Variants in TAX1BP1 observed in about 807,000 individuals in gnomAD.
The protein encoded by TAX1BP1 is Tax1 binding protein 1, also known as tax1-binding protein 1.
In TAX1BP1, 62 loss-of-function variants were observed where a neutral mutation model predicts 97.7. That is an observed-to-expected ratio of 0.63 (90% CI 0.52 to 0.78). The LOEUF (loss-of-function observed/expected upper bound fraction) is 0.78. Among genes scored for constraint, TAX1BP1 ranks in the 30% least tolerant of loss-of-function variants. TAX1BP1 has a pLI of 0.00. For missense variants in TAX1BP1, 867 were observed against 916.1 expected, an observed-to-expected ratio of 0.95 and a Z score of 0.69; for synonymous variants, 340 against 304.2, an observed-to-expected ratio of 1.12 and a Z score of -1.23.
At chr7:27,785,514 T>C (rs561524779) in intron 7 of TAX1BP1, 25 bp downstream of exon 7, 1 of 1,567,386 alleles carries the variant, frequency 6.4e-7, no homozygotes, top group South Asian at 1.2e-5. Context: ...ACCATATCTA[T>C]TGCCTGTTGC....
intron 3 of TAX1BP1, among the ~76,000 whole-genome samples, chr7:27,762,558 A>C (rs1471974002): frequency 6.6e-6 from 1 of 152,166 alleles, no homozygotes; most frequent in Non-Finnish European, 1.5e-5. Context: ...AATTTGTTAT[A>C]GTGACTATTG....
At chr7:27,821,960 T>G (rs1790994390) in intron 15 of TAX1BP1, among the ~76,000 whole-genome samples, 1 of 152,206 alleles carries the variant, frequency 6.6e-6, no homozygotes, top group Admixed American at 6.5e-5. Flanking sequence ...TCACTTAGCA[T>G]GTTTTCAAAG....
At chr7:27,789,077 A>G (rs1789600643) in intron 8 of TAX1BP1, among the ~76,000 whole-genome samples, 2 of 152,062 alleles carry the variant, frequency 1.3e-5, no homozygotes, top group Admixed American at 1.3e-4. Context: ...CGTACACACC[A>G]GTGTTTTCAC....
At chr7:27,742,244 C>G (rs1429197151) in intron 1 of TAX1BP1, among the ~76,000 whole-genome samples, 6 of 152,134 alleles carry the variant, frequency 3.9e-5, no homozygotes, top group East Asian at 1.9e-4. Context: ...TCCCTTCCCA[C>G]GAGGCCATAT....
Position 27,796,150 on chromosome 7 carries a change from A to C in TAX1BP1, c.1569A>C (p.Gln523His). ...ATTTTGACATAGTAACAAAGGGGCAAGTCTGTGAAATGACCAAAGAAATTG... is the reference window on the plus strand; with the variant it reads ...ATTTTGACATAGTAACAAAGGGGCACGTCTGTGAAATGACCAAAGAAATTG... Reference protein sequence around the residue: ...EADFDIVTKGQVCEMTKEIAD... With the variant: ...EADFDIVTKGHVCEMTKEIAD... The change falls in exon 12 of 17, where the codon CAA becomes CAC. Residue 523 changes from glutamine (Q) to histidine (H), a missense_variant. This residue lies in a region of TAX1BP1 where 822 missense variants were observed against 851.4 expected (regional missense o/e 0.97). Transcript: ENST00000396319. The C allele has an allele frequency of 1.9e-6, 3 of 1,605,596 alleles. No individual in the cohort carries two copies. In the South Asian group the frequency reaches 3.4e-5, roughly 18 times the overall value.
chr7:27,741,196 T>TAG (rs1787583668), intron 1 of TAX1BP1, among the ~76,000 whole-genome samples: 1 of 152,254 alleles, frequency 6.6e-6, no homozygotes, highest in Non-Finnish European at 1.5e-5. Context: ...TGCATTCTGC[T>TAG]AATGTTAAAA....
chr7:27,757,892 C>A (rs1285289881), intron 2 of TAX1BP1, 139 bp from the exon 3 acceptor site: 5 of 493,726 alleles, frequency 1.0e-5, no homozygotes, highest in Non-Finnish European at 1.8e-5. Flanking sequence ...ATTTGACATG[C>A]TTGTTAAAAT....
chr7:27,772,346 C>T (rs1788878132), intron 5 of TAX1BP1: 1 of 151,870 alleles, frequency 6.6e-6, no homozygotes, highest in Non-Finnish European at 1.5e-5. Flanking sequence ...TAGAGGTCTT[C>T]TATTTGAGGT....
intron 5 of TAX1BP1, among the ~76,000 whole-genome samples, chr7:27,770,540 A>G (rs1788806812): frequency 6.6e-6 from 1 of 152,108 alleles, no homozygotes; most frequent in Admixed American, 6.6e-5. Flanking sequence ...CCGGTTGGGC[A>G]TATTTATGCC....
chr7:27,816,387 A>G lies in TAX1BP1; in HGVS notation c.1803A>G (p.Lys601=). ...GTCTAGAAAATCCAGCAGAAAGGAA[A>G]ATGGAAGGTCAGAATTCCCAGAGTC... ...KRSLENPAER[K]MEGQNSQSPQ... The change falls in exon 14 of 17, where the codon AAA becomes AAG. Residue 601 remains lysine (K), a synonymous_variant. Coordinates refer to ENST00000396319, the MANE Select transcript of TAX1BP1 (RefSeq NM_006024.7). 2 of 1,585,076 alleles carry G rather than the reference A, an allele frequency of 1.3e-6. No homozygotes were observed. Among genetic ancestry groups the G allele is most frequent in the Non-Finnish European group, 8.5e-7 (1 of 1,172,152 alleles).
At chr7:27,779,475 G>A (rs970752154) in intron 5 of TAX1BP1, among the ~76,000 whole-genome samples, 2 of 152,106 alleles carry the variant, frequency 1.3e-5, no homozygotes, top group African/African-American at 2.4e-5. Flanking sequence ...TTGGCTTTTA[G>A]TTGCTACATT....
At chr7:27,790,584 A>C (rs1359156943) in intron 8 of TAX1BP1, among the ~76,000 whole-genome samples, 1 of 151,862 alleles carries the variant, frequency 6.6e-6, no homozygotes, top group Non-Finnish European at 1.5e-5. Flanking sequence ...ATAAATTCTC[A>C]TGTTGGTAGA....
At chr7:27,754,560 CTTTTTTG>C (rs1253359193) in intron 2 of TAX1BP1, among the ~76,000 whole-genome samples, 2 of 151,712 alleles carry the variant, frequency 1.3e-5, no homozygotes, top group African/African-American at 4.8e-5. Flanking sequence ...GACTTTCAGT[CTTTTTTG>C]TTTTTTGTTT....
intron 8 of TAX1BP1, among the ~76,000 whole-genome samples, chr7:27,791,476 G>A (rs1163400476): frequency 1.3e-5 from 2 of 151,952 alleles, no homozygotes; most frequent in African/African-American, 4.8e-5. Flanking sequence ...TTTACTATTT[G>A]TATATCAATA....
intron 3 of TAX1BP1, among the ~76,000 whole-genome samples, chr7:27,764,294 C>T (rs1437288249): frequency 6.6e-6 from 1 of 152,154 alleles, no homozygotes; most frequent in African/African-American, 2.4e-5. Context: ...TTGGTTTCCT[C>T]CTTATCTTTC....
intron 3 of TAX1BP1, among the ~76,000 whole-genome samples, chr7:27,763,935 T>C (rs1311118753): frequency 1.3e-5 from 2 of 152,252 alleles, no homozygotes; most frequent in Non-Finnish European, 2.9e-5. Context: ...TAGTAGCTAT[T>C]AGGAGGGTGG....
rs1322176404 is a variant in TAX1BP1, at chr7:27,793,175, G to A, written c.1373G>A (p.Arg458Lys). 1.3e-6 allele frequency: 2 copies of A among 1,591,340 alleles called. No homozygotes were observed. Among genetic ancestry groups the A allele is most frequent in the African/African-American group, 1.4e-5 (1 of 73,262 alleles). ...HYKEKFKECQRLQKQINKLSD... is the reference protein window; with the variant it reads ...HYKEKFKECQKLQKQINKLSD... ...AAAGAAAAATTTAAGGAATGCCAAA[G>A]GCTCCAAAAACAAATAAACAAACTT... The change falls in exon 10 of 17, where the codon AGG becomes AAG. Residue 458 changes from arginine to lysine, a missense_variant. Physicochemically the swap from Arg to Lys is conservative, Grantham distance 26. Coordinates refer to ENST00000396319, the MANE Select transcript of TAX1BP1 (RefSeq NM_006024.7).
intron 1 of TAX1BP1, among the ~76,000 whole-genome samples, chr7:27,743,123 TA>T (rs1247841723): frequency 6.6e-6 from 1 of 152,198 alleles, no homozygotes; most frequent in Non-Finnish European, 1.5e-5. Flanking sequence ...TATAAAAATC[TA>T]AAAAGTAAAT....
intron 2 of TAX1BP1, among the ~76,000 whole-genome samples, chr7:27,755,224 A>T (rs1788168701): frequency 6.6e-6 from 1 of 152,186 alleles, no homozygotes; most frequent in Admixed American, 6.5e-5. Context: ...GATTAGAAAA[A>T]TTCATAGGCT....
Sources: allele counts gnomAD v4.1 joint callset (sites outside exome capture counted in the v4.1 genomes callset), GRCh38; gene constraint gnomAD v4.1.1; regional missense constraint gnomAD v4.1.1; transcripts MANE v1.5; gene names NCBI Gene and HGNC (gene_info 2026-07-23, HGNC 2026-07-21).